LRRC45: variants seen among roughly 807,000 people sequenced by gnomAD.
LRRC45 encodes the protein leucine rich repeat containing 45, also known as leucine-rich repeat-containing protein 45.
A neutral mutation model predicts 85.4 loss-of-function variants in LRRC45; 73 were observed. The ratio of observed to expected loss-of-function variants is 0.85; its 90% confidence interval spans 0.71 to 1.04. The LOEUF is 1.04. Ranked by LOEUF, LRRC45 falls within the 50% of genes least tolerant of loss-of-function variation. The pLI, the probability that LRRC45 is intolerant of heterozygous loss-of-function variation, is 0.00. For missense variants in LRRC45, 937 were observed against 883.3 expected (o/e 1.06, Z -0.77); for synonymous variants, 429 against 386.0 (o/e 1.11, Z -1.31).
intron 8 of LRRC45, 115 bp from the exon 9 acceptor site, chr17:82,027,896 G>A: frequency 2.0e-6 from 3 of 1,510,862 alleles, no homozygotes; most frequent in Non-Finnish European, 1.8e-6. Context: ...CTTCCTGGAG[G>A]AGGCGGGTGC....
rs774638519 is a variant in LRRC45 at position 82,030,238 on chromosome 17, G to T, written c.1668G>T (p.Gln556His). ...GGCGGCGCCTGGAAGAGCTGCAGCA[G>T]GTAGGCGGGGCTCCGGTGGGGGGCC... ...GLRRRLEELQ[Q>H]ELSLKDQERV... Residue 556 changes from glutamine (Q) to histidine (H), a missense_variant and splice_region_variant, in exon 15 of 17, where the codon CAG becomes CAT. By Grantham distance (24) the Gln-to-His change is conservative. Coordinates refer to ENST00000306688, the MANE Select transcript of LRRC45 (RefSeq NM_144999.4). 1.2e-5 allele frequency: 18 copies of T among 1,534,330 alleles called. No individual in the cohort carries two copies. The highest frequency in any genetic ancestry group is 1.6e-5 in the Non-Finnish European group (18 of 1,136,416).
intron 14 of LRRC45, 120 bp from the exon 15 acceptor site, chr17:82,029,943 CAG>C (rs2043402903): frequency 7.8e-7 from 1 of 1,279,936 alleles, no homozygotes; most frequent in Admixed American, 2.7e-5. Context: ...GGAGCGGGTT[CAG>C]AGTCATAGTA....
chr17:82,027,021 G>A lies in LRRC45; in HGVS notation c.774+10G>A. The A allele has an allele frequency of 6.3e-7, 1 of 1,580,772 alleles. No homozygotes were observed. The stretch of plus-strand genomic sequence containing the variant: ...GGAGAAGTCCAAGCAGGTGAGGATG[G>A]CGCCTTCACTGACCTTGGAGCTGCT... On this transcript the variant is annotated intron_variant, in intron 6 of 16. Coordinates refer to ENST00000306688, the MANE Select transcript of LRRC45 (RefSeq NM_144999.4).
chr17:82,029,451 C>T, intron 13 of LRRC45, 92 bp from the exon 14 acceptor site: 1 of 1,367,810 alleles, frequency 7.3e-7, no homozygotes, highest in Non-Finnish European at 1.0e-6. Flanking sequence ...CAGAGAGGAG[C>T]CCCCCTGGCT....
intron 8 of LRRC45, 46 bp downstream of exon 8, chr17:82,027,797 G>A (rs774504386): frequency 1.9e-6 from 3 of 1,591,360 alleles, no homozygotes; most frequent in Non-Finnish European, 8.6e-7. Flanking sequence ...GTGCCCACAG[G>A]GCAGAGAAAG....
intron 8 of LRRC45, 126 bp from the exon 9 acceptor site, chr17:82,027,885 C>A: frequency 6.6e-7 from 1 of 1,510,174 alleles, no homozygotes; most frequent in Non-Finnish European, 8.9e-7. Context: ...AACCCAGAAG[C>A]CTTCCTGGAG....
Position 82,028,024 on chromosome 17 carries a change from G to C in LRRC45, c.925G>C (p.Glu309Gln). 6.2e-7 allele frequency: 1 copy of C among 1,604,404 alleles called. No homozygotes were observed. The highest frequency in any genetic ancestry group is 1.1e-5 in the South Asian group (1 of 90,628). The part of the protein sequence containing the change: ...NALKAKLQMT[E>Q]AALALSEQKA... ...TCCTTTCTGCAGGCTGCAGATGACAGAGGCCGCCCTGGCTCTGTCGGAGCA... is the reference window on the plus strand; with the variant it reads ...TCCTTTCTGCAGGCTGCAGATGACACAGGCCGCCCTGGCTCTGTCGGAGCA... The change falls in exon 9 of 17, where the codon GAG becomes CAG. Residue 309 changes from glutamate (E) to glutamine (Q), a missense_variant. Coordinates refer to ENST00000306688, the MANE Select transcript of LRRC45 (RefSeq NM_144999.4).
chr17:82,030,276 G>GC (rs1432194766), intron 15 of LRRC45, 38 bp downstream of exon 15: 19 of 1,539,990 alleles, frequency 1.2e-5, no homozygotes, highest in Non-Finnish European at 1.6e-5. Context: ...GGGCGTGCTA[G>GC]CCCCCAACCC....
rs1416871224 is a variant in LRRC45 at position 82,025,018 on chromosome 17, C to T, written c.372C>T (p.Asn124=). The T allele has an allele frequency of 6.3e-7, 1 of 1,593,738 alleles. No individual in the cohort carries two copies. The highest frequency in any genetic ancestry group is 8.5e-7 in the Non-Finnish European group (1 of 1,170,166). The stretch of plus-strand genomic sequence containing the variant: ...CCTGCAGCCTCACGCTGGAGTGGAA[C>T]AGCCTGGGCACGTGGGACGATGCCT... ...KSIQSLTLEW[N]SLGTWDDAFA... Residue 124 remains asparagine (N), a synonymous_variant, in exon 4 of 17, where the codon AAC becomes AAT. Transcript: ENST00000306688.
At position 82,028,601 on chromosome 17, in the gene LRRC45, C is replaced by T. The variant is rs200189470; in HGVS notation, c.1238-12C>T. ...GATGCTCACGCATACTCTGCCCACC[C>T]TGGGCTTCCAGAGCGCCTGGACATG... On this transcript the variant is annotated splice_polypyrimidine_tract_variant and intron_variant, in intron 11 of 16. Transcript: ENST00000306688. 6.2e-7 allele frequency: 1 copy of T among 1,612,774 alleles called. No homozygotes were observed. The highest frequency in any genetic ancestry group is 1.7e-5 in the Admixed American group (1 of 60,020).
intron 5 of LRRC45, 121 bp downstream of exon 5, chr17:82,025,628 A>G: frequency 1.6e-6 from 2 of 1,276,332 alleles, no homozygotes. Context: ...GCCCAGGGGA[A>G]GCAGGAAGGA....
At chr17:82,027,037 T>C in intron 6 of LRRC45, 26 bp downstream of exon 6, 1 of 1,546,608 alleles carries the variant, frequency 6.5e-7, no homozygotes, top group Non-Finnish European at 8.8e-7. Flanking sequence ...TCACTGACCT[T>C]GGAGCTGCTT....
At chr17:82,025,321 A>T in intron 4 of LRRC45, 58 bp from the exon 5 acceptor site, 2 of 1,533,096 alleles carry the variant, frequency 1.3e-6, no homozygotes, top group Non-Finnish European at 1.8e-6. Flanking sequence ...CACCCCGGCC[A>T]GGCCAGCTCC....
At chr17:82,027,933 AAC>A (rs2043382926) in intron 8 of LRRC45, 76 bp from the exon 9 acceptor site, 1 of 1,541,210 alleles carries the variant, frequency 6.5e-7, no homozygotes, top group Non-Finnish European at 8.7e-7. Flanking sequence ...GGTGCCCAGC[AAC>A]AGTGAAAGCA....
Position 82,030,718 on chromosome 17 carries a change from G to T in LRRC45, c.1926G>T (p.Glu642Asp). 1 of 1,501,200 alleles carries T rather than the reference G, an allele frequency of 6.7e-7. No homozygotes were observed. 93.0% of individuals were successfully genotyped at this position (1,501,200 alleles called of 1,614,324 possible). Residue 642 changes from glutamate to aspartate, a missense_variant, in exon 17 of 17, where the codon GAG (glutamate) becomes GAT (aspartate). Physicochemically the swap from Glu to Asp is conservative, Grantham distance 45 (BLOSUM62 2). Coordinates refer to ENST00000306688, the MANE Select transcript of LRRC45 (RefSeq NM_144999.4). ...REAEIARIRD[E>D]EAQRASFLQN... ...CGGAGATCGCCCGCATCCGGGACGA[G>T]GAGGCCCAGAGGGCGAGCTTCCTGC...
chr17:82,029,478 G>A (rs2043397946), intron 13 of LRRC45, 65 bp from the exon 14 acceptor site: 1 of 1,512,824 alleles, frequency 6.6e-7, no homozygotes, highest in Admixed American at 2.0e-5. Context: ...GGCTGGATGG[G>A]CCAGAGAGAG....
At position 82,027,003 on chromosome 17, in the gene LRRC45, T is replaced by A; in HGVS notation, c.766T>A (p.Ser256Thr). 1.3e-6 allele frequency: 2 copies of A among 1,597,108 alleles called. No individual in the cohort carries two copies. Among genetic ancestry groups the A allele is most frequent in the Non-Finnish European group, 8.5e-7 (1 of 1,175,150 alleles). The change falls in exon 6 of 17, where the codon TCC (serine) becomes ACC (threonine). Residue 256 changes from serine to threonine, a missense_variant. Transcript: ENST00000306688. ...GGTCCAGCACCTCCGGGAGGAGAAG[T>A]CCAAGCAGGTGAGGATGGCGCCTTC... ...KEVQHLREEK[S>T]KQFLDLMETI...
rs2043407413 is a variant in LRRC45, at chr17:82,030,316, C to T, written c.1669-3C>T. 9.0e-6 allele frequency: 14 copies of T among 1,548,510 alleles called. No individual in the cohort carries two copies. The highest frequency in any genetic ancestry group is 2.0e-5 in the Admixed American group (1 of 50,960). On this transcript the variant is annotated splice_polypyrimidine_tract_variant and splice_region_variant and intron_variant, in intron 15 of 16. Coordinates refer to ENST00000306688, the MANE Select transcript of LRRC45 (RefSeq NM_144999.4). ...CTCACTCCCCAGCCTTCGTGCCTGG[C>T]AGGAGCTGAGCCTCAAGGACCAGGA...
chr17:82,026,131 C>T (rs918189039), intron 5 of LRRC45, among the ~76,000 whole-genome samples: 1 of 152,218 alleles, frequency 6.6e-6, no homozygotes, highest in Non-Finnish European at 1.5e-5. Flanking sequence ...ACTCCAGCTG[C>T]GCCGTCCCTG....
Sources: gnomAD v4.1 joint callset for allele counts (sites outside exome capture counted in the v4.1 genomes callset) on GRCh38, gnomAD v4.1.1 for gene constraint, MANE v1.5 for transcripts, NCBI Gene and HGNC (gene_info 2026-07-23, HGNC 2026-07-21) for gene names.